The following CAMKMT variants were observed in gnomAD, a reference collection of about 807,000 sequenced individuals.
The protein encoded by CAMKMT is CaM KMT.
In CAMKMT, 53 loss-of-function variants were observed where a neutral mutation model predicts 48.0. The ratio of observed to expected loss-of-function variants is 1.10; its 90% CI spans 0.89 to 1.39. The LOEUF (loss-of-function observed/expected upper bound fraction) is 1.39, where lower values mean the gene tolerates loss of function less well. Ranked by LOEUF, CAMKMT falls within the 40% of genes most tolerant of loss-of-function variation. CAMKMT has a pLI of 0.00. For synonymous variants in CAMKMT, 165 were observed against 152.3 expected (o/e 1.08, Z -0.61); for missense variants, 428 against 402.7 (o/e 1.06, Z -0.54).
chr2:44,548,534 T>G (rs929167209), intron 3 of CAMKMT, among the ~76,000 whole-genome samples: 3 of 152,160 alleles, frequency 2.0e-5, no homozygotes, highest in Non-Finnish European at 2.9e-5. Context: ...ATCTAGATAC[T>G]GCTGTGGAAG....
At chr2:44,494,952 G>GT (rs759949364) in intron 3 of CAMKMT, among the ~76,000 whole-genome samples, 1 of 152,092 alleles carries the variant, frequency 6.6e-6, no homozygotes, top group East Asian at 1.9e-4. Flanking sequence ...ATTTGGCTTA[G>GT]TTTTTTCATC....
chr2:44,552,642 C>T (rs1345121753), intron 3 of CAMKMT, among the ~76,000 whole-genome samples: 1 of 152,144 alleles, frequency 6.6e-6, no homozygotes, highest in Non-Finnish European at 1.5e-5. Flanking sequence ...CATACATCAT[C>T]TCATTTAATT....
intron 3 of CAMKMT, among the ~76,000 whole-genome samples, chr2:44,478,889 CG>C (rs1668825513): frequency 1.3e-5 from 2 of 151,940 alleles, no homozygotes; most frequent in African/African-American, 4.8e-5. Flanking sequence ...TTAGTAGAGA[CG>C]GGGTTTCATC....
chr2:44,594,555 A>T (rs2103831927), intron 3 of CAMKMT, among the ~76,000 whole-genome samples: 1 of 152,334 alleles, frequency 6.6e-6, no homozygotes, highest in East Asian at 1.9e-4. Flanking sequence ...GAAACAAGCA[A>T]TGGGGAAAGG....
chr2:44,642,945 G>C (rs1046037764), intron 3 of CAMKMT, among the ~76,000 whole-genome samples: 2 of 152,100 alleles, frequency 1.3e-5, no homozygotes, highest in African/African-American at 4.8e-5. Context: ...TGTGTTTATG[G>C]CATGGTTGTA....
intron 3 of CAMKMT, among the ~76,000 whole-genome samples, chr2:44,432,140 A>C (rs995498120): frequency 6.6e-6 from 1 of 152,212 alleles, no homozygotes; most frequent in African/African-American, 2.4e-5. Context: ...GAATGTTTAA[A>C]ATATTATAAT....
intron 3 of CAMKMT, among the ~76,000 whole-genome samples, chr2:44,603,968 A>G (rs1671144130): frequency 6.6e-6 from 1 of 152,242 alleles, no homozygotes. Flanking sequence ...CTGAATTATA[A>G]GACCTGGTAC....
intron 1 of CAMKMT, among the ~76,000 whole-genome samples, chr2:44,364,755 G>T (rs536672120): frequency 6.6e-6 from 1 of 152,178 alleles, no homozygotes; most frequent in Non-Finnish European, 1.5e-5. Context: ...GGAGCTGACC[G>T]ACATAGGCTG....
intron 3 of CAMKMT, among the ~76,000 whole-genome samples, chr2:44,640,173 A>G (rs1275950047): frequency 6.6e-6 from 1 of 152,232 alleles, no homozygotes; most frequent in African/African-American, 2.4e-5. Flanking sequence ...ACTATCAATA[A>G]TATGACTTTT....
intron 3 of CAMKMT, among the ~76,000 whole-genome samples, chr2:44,416,405 C>T (rs1397921259): frequency 6.6e-6 from 1 of 151,954 alleles, no homozygotes; most frequent in African/African-American, 2.4e-5. Flanking sequence ...TTCTATCACC[C>T]CAGAATGTTT....
At chr2:44,519,746 C>T (rs1470151660) in intron 3 of CAMKMT, among the ~76,000 whole-genome samples, 1 of 152,128 alleles carries the variant, frequency 6.6e-6, no homozygotes, top group Non-Finnish European at 1.5e-5. Context: ...ACTCAACATG[C>T]ACTATTTCAT....
At chr2:44,610,663 C>T (rs954729976) in intron 3 of CAMKMT, among the ~76,000 whole-genome samples, 5 of 151,980 alleles carry the variant, frequency 3.3e-5, no homozygotes, top group Admixed American at 3.3e-4. Context: ...AGCAGTAAGC[C>T]CCAATTGTGT....
Position 44,744,251 on chromosome 2 carries a change from A to C in CAMKMT, c.698+555A>C, listed in dbSNP as rs146430709. On this transcript the variant is annotated intron_variant, in intron 8 of 10. Coordinates refer to ENST00000378494, the MANE Select transcript of CAMKMT (RefSeq NM_024766.5). ...TAATAGTTAATTATACCTAAAACAA[A>C]AATTATAAAATTACATTTTATTCTT... Among the ~76,000 whole-genome samples, 1,098 of 152,350 alleles carry C rather than the reference A, an allele frequency of 7.2e-3. 18 individuals carry two copies. The highest frequency in any genetic ancestry group is 0.025 in the African/African-American group (1,042 of 41,584).
At chr2:44,455,776 T>A (rs1420832156) in intron 3 of CAMKMT, among the ~76,000 whole-genome samples, 5 of 131,132 alleles carry the variant, frequency 3.8e-5, no homozygotes, top group Non-Finnish European at 8.3e-5. Context: ...TAAAAAGCTA[T>A]TTTTTTTAAT....
intron 3 of CAMKMT, among the ~76,000 whole-genome samples, chr2:44,450,091 A>T (rs1267292402): frequency 6.6e-6 from 1 of 152,120 alleles, no homozygotes; most frequent in Non-Finnish European, 1.5e-5. Context: ...AACACTGTGG[A>T]ATGAGGGACC....
At chr2:44,453,698 GA>G (rs1487710904) in intron 3 of CAMKMT, among the ~76,000 whole-genome samples, 3 of 152,020 alleles carry the variant, frequency 2.0e-5, no homozygotes, top group African/African-American at 4.8e-5. Context: ...ATTTTGTGGA[GA>G]GGGGCAGATG....
intron 3 of CAMKMT, chr2:44,391,794 A>C (rs374177417): frequency 6.5e-6 from 1 of 153,054 alleles, no homozygotes; most frequent in Non-Finnish European, 1.5e-5. Context: ...TTTCCCATCA[A>C]CTTGTTCCAT....
At chr2:44,701,322 C>T (rs979123241) in intron 3 of CAMKMT, among the ~76,000 whole-genome samples, 4 of 152,146 alleles carry the variant, frequency 2.6e-5, no homozygotes, top group Non-Finnish European at 4.4e-5. Flanking sequence ...TTGATTGTAG[C>T]CATCCTAGTG....
intron 7 of CAMKMT, among the ~76,000 whole-genome samples, chr2:44,723,237 A>G (rs898708722): frequency 1.3e-5 from 2 of 152,146 alleles, no homozygotes; most frequent in African/African-American, 4.8e-5. Context: ...GGGACCACCA[A>G]ACTAGAGTTC....
Sources: gnomAD v4.1 joint callset for allele counts (sites outside exome capture counted in the v4.1 genomes callset) on GRCh38, gnomAD v4.1.1 for gene constraint, MANE v1.5 for transcripts, NCBI Gene and HGNC (gene_info 2026-07-23, HGNC 2026-07-21) for gene names.